CNTN4: variants seen among roughly 807,000 people sequenced by gnomAD.
The protein encoded by CNTN4 is contactin-4.
A neutral mutation model predicts 122.5 loss-of-function variants in CNTN4; 77 were observed. The observed-to-expected ratio is 0.63, with a 90% CI of 0.52 to 0.76. The LOEUF (loss-of-function observed/expected upper bound fraction) is 0.76. Among genes scored for constraint, CNTN4 ranks in the 30% least tolerant of loss-of-function variants. The pLI is 0.00. For synonymous variants in CNTN4, 512 were observed against 447.0 expected (o/e 1.15, Z -1.83); for missense variants, 1,256 against 1,259.1 (o/e 1.00, Z 0.04).
intron 3 of CNTN4, among the ~76,000 whole-genome samples, chr3:2,561,404 T>C (rs1346934058): frequency 6.6e-6 from 1 of 152,158 alleles, no homozygotes; most frequent in African/African-American, 2.4e-5. Flanking sequence ...CCAGAAAGCA[T>C]GGGAAAGAGC....
At chr3:2,308,635 T>G (rs528493216) in intron 2 of CNTN4, among the ~76,000 whole-genome samples, 1 of 152,094 alleles carries the variant, frequency 6.6e-6, no homozygotes, top group Non-Finnish European at 1.5e-5. Flanking sequence ...TTTTGATTTT[T>G]TTCTTGACCC....
At chr3:2,125,894 GGTGTGTGTGTGTGTGT>G (rs61706367) in intron 2 of CNTN4, among the ~76,000 whole-genome samples, 1 of 143,372 alleles carries the variant, frequency 7.0e-6, no homozygotes, top group Admixed American at 7.0e-5. Context: ...TTTTATTTCT[GGTGTGTGTGTGTGTGT>G]GTGTGTGTGT....
intron 12 of CNTN4, among the ~76,000 whole-genome samples, chr3:2,906,848 A>G (rs981335567): frequency 5.3e-5 from 8 of 151,170 alleles, no homozygotes; most frequent in African/African-American, 1.7e-4. Context: ...CCTTCTCAAA[A>G]AAAAAAAAAA....
chr3:2,561,859 A>G (rs1417461989), intron 3 of CNTN4, among the ~76,000 whole-genome samples: 3 of 152,188 alleles, frequency 2.0e-5, no homozygotes, highest in Non-Finnish European at 4.4e-5. Context: ...TGTCATGTGT[A>G]CTTGAAATGC....
At chr3:2,375,067 T>G (rs1351423958) in intron 3 of CNTN4, among the ~76,000 whole-genome samples, 1 of 152,220 alleles carries the variant, frequency 6.6e-6, no homozygotes, top group Non-Finnish European at 1.5e-5. Flanking sequence ...AGAAAGTCAT[T>G]GTAAAAATCT....
intron 1 of CNTN4, chr3:2,099,884 A>G (rs1458603413): frequency 1.3e-5 from 2 of 152,266 alleles, no homozygotes; most frequent in Non-Finnish European, 2.9e-5. Flanking sequence ...TGCTTCGTGT[A>G]TATGTTTTAC....
chr3:2,585,922 G>C (rs2080181866), intron 4 of CNTN4, among the ~76,000 whole-genome samples: 1 of 149,930 alleles, frequency 6.7e-6, no homozygotes. Context: ...AGTGTTTCTA[G>C]GAATGATGTA....
chr3:2,797,961 G>A (rs904407155), intron 6 of CNTN4, among the ~76,000 whole-genome samples: 4 of 141,990 alleles, frequency 2.8e-5, no homozygotes, highest in Non-Finnish European at 4.6e-5. Flanking sequence ...AGGTAAAAGT[G>A]CAATTTTGTT....
At chr3:2,613,049 C>G (rs1161555202) in intron 4 of CNTN4, among the ~76,000 whole-genome samples, 1 of 152,044 alleles carries the variant, frequency 6.6e-6, no homozygotes, top group East Asian at 1.9e-4. Context: ...GTGCCAGGGG[C>G]TTTGTCTGCT....
intron 2 of CNTN4, among the ~76,000 whole-genome samples, chr3:2,172,425 A>G (rs1559310361): frequency 6.6e-6 from 1 of 152,170 alleles, no homozygotes; most frequent in African/African-American, 2.4e-5. Flanking sequence ...GGGGTGAGGC[A>G]TAAAAGACTA....
intron 2 of CNTN4, among the ~76,000 whole-genome samples, chr3:2,307,670 A>G (rs532110201): frequency 2.6e-5 from 4 of 152,238 alleles, no homozygotes; most frequent in African/African-American, 9.6e-5. Flanking sequence ...CATGTATCAA[A>G]TGATCATGTG....
At chr3:2,257,671 A>G (rs13087282) in intron 2 of CNTN4, among the ~76,000 whole-genome samples, 75,667 of 152,038 alleles carry the variant, frequency 0.5, 19,669 homozygotes, top group South Asian at 0.64. Flanking sequence ...CAGCCAAGAA[A>G]CATGAAAAAA....
chr3:2,511,817 T>C (rs1575809319), intron 3 of CNTN4: 1 of 152,232 alleles, frequency 6.6e-6, no homozygotes, highest in East Asian at 1.9e-4. Context: ...TGAGGTAGAG[T>C]GTGATCTGTT....
At chr3:2,326,519 C>CAT (rs72160444) in intron 2 of CNTN4, among the ~76,000 whole-genome samples, 32,384 of 140,014 alleles carry the variant, frequency 0.23, 4,139 homozygotes, top group East Asian at 0.64. Flanking sequence ...CACACACACA[C>CAT]ACACACACAA....
intron 6 of CNTN4, among the ~76,000 whole-genome samples, chr3:2,811,733 C>T (rs752707838): frequency 1.2e-4 from 19 of 152,104 alleles, no homozygotes; most frequent in Middle Eastern, 3.4e-3. Flanking sequence ...GGCGCGATCT[C>T]GGCTCACTGC....
chr3:2,850,831 A>T (rs994530167), intron 7 of CNTN4, among the ~76,000 whole-genome samples: 1 of 152,152 alleles, frequency 6.6e-6, no homozygotes, highest in African/African-American at 2.4e-5. Flanking sequence ...CTTGCCAGAG[A>T]TGGATTTTTT....
intron 3 of CNTN4, among the ~76,000 whole-genome samples, chr3:2,525,969 G>T (rs1048860559): frequency 6.6e-6 from 1 of 152,088 alleles, no homozygotes; most frequent in Non-Finnish European, 1.5e-5. Context: ...TCTTAACAAG[G>T]TAGGTTTCTT....
At chr3:2,710,562 A>C (rs2728036) in intron 4 of CNTN4, among the ~76,000 whole-genome samples, 7 of 152,104 alleles carry the variant, frequency 4.6e-5, no homozygotes, top group Non-Finnish European at 8.8e-5. Flanking sequence ...ACAAGTGTTA[A>C]AAGGTGTCAA....
At chr3:2,901,980 A>C (rs78043808) in intron 11 of CNTN4, among the ~76,000 whole-genome samples, 11,170 of 152,204 alleles carry the variant, frequency 0.073, 446 homozygotes, top group Middle Eastern at 0.16. Flanking sequence ...CAAGTTTTAA[A>C]ACTAGGCAGG....
Sources: gnomAD v4.1 joint callset for allele counts (sites outside exome capture counted in the v4.1 genomes callset) on GRCh38, gnomAD v4.1.1 for gene constraint, MANE v1.5 for transcripts, NCBI Gene and HGNC (gene_info 2026-07-23, HGNC 2026-07-21) for gene names.